The following SUMF1 variants were observed in gnomAD, a reference collection of about 807,000 sequenced individuals.
The protein encoded by SUMF1 is sulfatase modifying factor 1.
SUMF1 carries 48 observed loss-of-function variants against 47.6 expected under a neutral mutation model. That is an observed-to-expected ratio of 1.01 (90% confidence interval 0.80 to 1.28). The LOEUF is 1.28. Ranked by LOEUF, SUMF1 falls within the 50% of genes most tolerant of loss-of-function variation. The pLI, the probability that SUMF1 is intolerant of heterozygous loss-of-function variation, is 0.00. For missense variants in SUMF1, 571 were observed against 485.4 expected, an observed-to-expected ratio of 1.18 and a Z score of -1.66; for synonymous variants, 230 against 192.1, an observed-to-expected ratio of 1.20 and a Z score of -1.63.
intron 5 of SUMF1, among the ~76,000 whole-genome samples, chr3:4,417,537 G>T (rs1479537372): frequency 1.3e-5 from 2 of 152,136 alleles, no homozygotes; most frequent in Non-Finnish European, 2.9e-5. Context: ...CCTCATTTTG[G>T]ACTTATATGG....
intron 2 of SUMF1, among the ~76,000 whole-genome samples, chr3:4,449,608 T>TG (rs1358249057): frequency 1.1e-4 from 16 of 152,326 alleles, no homozygotes; most frequent in African/African-American, 3.4e-4. Flanking sequence ...AACGTGACTG[T>TG]TCTTGAAGGA....
chr3:4,113,746 A>G (rs1693362714), intron 8 of SUMF1, among the ~76,000 whole-genome samples: 1 of 152,074 alleles, frequency 6.6e-6, no homozygotes, highest in Non-Finnish European at 1.5e-5. Flanking sequence ...TGGCACAATT[A>G]CGATGTACCA....
rs190513068 is a variant in SUMF1, at chr3:4,431,663, C to T, written c.520-11517G>A. Among the ~76,000 whole-genome samples, 183 of 152,292 alleles carry T rather than the reference C, an allele frequency of 1.2e-3. 1 individual carries two copies. The highest frequency in any genetic ancestry group is 4.3e-3 in the African/African-American group (177 of 41,550). ...GCAGAAAAGGCTGTAACATCATGGCCCTCTGCCCTTCACCGGCACAGAGCA... is the reference window on the plus strand; with the variant it reads ...GCAGAAAAGGCTGTAACATCATGGCTCTCTGCCCTTCACCGGCACAGAGCA... On this transcript the variant is annotated intron_variant, in intron 3 of 8. Transcript: ENST00000272902.
chr3:4,318,295 A>G (rs1226188551), intron 8 of SUMF1, among the ~76,000 whole-genome samples: 2 of 152,234 alleles, frequency 1.3e-5, no homozygotes, highest in Non-Finnish European at 2.9e-5. Context: ...TTGGTTTAAC[A>G]TACGAAAATC....
chr3:4,268,690 A>T (rs189485351), intron 8 of SUMF1, among the ~76,000 whole-genome samples: 3 of 152,066 alleles, frequency 2.0e-5, no homozygotes, highest in South Asian at 2.1e-4. Context: ...TTAAAAAAAA[A>T]ATCTATCCAG....
Position 4,452,862 on chromosome 3 carries a change from C to G in SUMF1, c.444+14G>C. On this transcript the variant is annotated intron_variant, in intron 2 of 8. Coordinates refer to ENST00000272902, the MANE Select transcript of SUMF1 (RefSeq NM_182760.4). ...AAAAGAACAAGTTCTCCCTCCTTTCCCCAATCCCATTACCTCTGTCAAATA... is the reference window on the plus strand; with the variant it reads ...AAAAGAACAAGTTCTCCCTCCTTTCGCCAATCCCATTACCTCTGTCAAATA... 6.2e-7 allele frequency: 1 copy of G among 1,614,082 alleles called. No homozygotes were observed. Among genetic ancestry groups the G allele is most frequent in the Admixed American group, 1.7e-5 (1 of 60,028 alleles).
intron 8 of SUMF1, among the ~76,000 whole-genome samples, chr3:4,102,017 G>A (rs1693044875): frequency 6.6e-6 from 1 of 152,132 alleles, no homozygotes; most frequent in East Asian, 1.9e-4. Flanking sequence ...AAAAGCATCA[G>A]ATCTCATGAG....
chr3:4,403,394 G>A (rs1480049166), intron 7 of SUMF1, among the ~76,000 whole-genome samples: 1 of 152,106 alleles, frequency 6.6e-6, no homozygotes, highest in African/African-American at 2.4e-5. Context: ...CTAGAATGCT[G>A]TGTATAATTC....
chr3:4,208,411 G>A (rs1486693614), intron 8 of SUMF1, among the ~76,000 whole-genome samples: 1 of 146,340 alleles, frequency 6.8e-6, no homozygotes, highest in Non-Finnish European at 1.5e-5. Flanking sequence ...TGCAGTTCCA[G>A]TTACCCAGTA....
intron 8 of SUMF1, among the ~76,000 whole-genome samples, chr3:4,165,317 G>A (rs1051773940): frequency 2.6e-5 from 4 of 152,120 alleles, no homozygotes; most frequent in Admixed American, 1.3e-4. Context: ...GAGAGAAGGG[G>A]ACATATACCC....
chr3:4,355,167 T>C lies in SUMF1; in HGVS notation c.1014+21163A>G, dbSNP rs73121656. 9.6e-3 allele frequency among the ~76,000 whole-genome samples: 1,454 copies of C among 152,108 alleles called. 24 individuals carry two copies. The highest frequency in any genetic ancestry group is 0.033 in the African/African-American group (1,359 of 41,486). On this transcript the variant is annotated intron_variant and NMD_transcript_variant, in intron 8 of 12. Transcript: ENST00000448413. ...GAGTTCAAGACCAGCCTAGGCAACATGGAAAAACTCCATCTCTACAAAATA... is the reference window on the plus strand; with the variant it reads ...GAGTTCAAGACCAGCCTAGGCAACACGGAAAAACTCCATCTCTACAAAATA...
chr3:4,119,039 A>G (rs1352434528), intron 8 of SUMF1, among the ~76,000 whole-genome samples: 1 of 151,918 alleles, frequency 6.6e-6, no homozygotes, highest in Non-Finnish European at 1.5e-5. Flanking sequence ...TTCATTATTT[A>G]CCTATTTTCC....
chr3:4,040,532 A>T (rs771904122), intron 9 of SUMF1, among the ~76,000 whole-genome samples: 10 of 152,348 alleles, frequency 6.6e-5, no homozygotes, highest in Middle Eastern at 6.8e-3. Flanking sequence ...AATAGCAACT[A>T]TATGAACAAA....
chr3:4,092,382 T>C (rs1039661533), intron 8 of SUMF1, among the ~76,000 whole-genome samples: 1 of 152,136 alleles, frequency 6.6e-6, no homozygotes, highest in Non-Finnish European at 1.5e-5. Context: ...CCCAGTTTCC[T>C]TTTCTGTTTT....
At chr3:4,387,300 A>G (rs1420164025) in intron 7 of SUMF1, among the ~76,000 whole-genome samples, 1 of 151,938 alleles carries the variant, frequency 6.6e-6, no homozygotes, top group Non-Finnish European at 1.5e-5. Context: ...CAAATTATCT[A>G]TTTCATATTG....
At chr3:4,130,672 C>A (rs943026363) in intron 8 of SUMF1, among the ~76,000 whole-genome samples, 1 of 152,050 alleles carries the variant, frequency 6.6e-6, no homozygotes, top group Non-Finnish European at 1.5e-5. Flanking sequence ...GATATCCCCT[C>A]TAGGATGAAG....
intron 8 of SUMF1, chr3:4,312,960 C>T (rs746868749): frequency 2.0e-5 from 32 of 1,613,794 alleles, no homozygotes; most frequent in East Asian, 4.5e-5. Context: ...TAACCTTTCC[C>T]GGATGCATTT....
intron 8 of SUMF1, among the ~76,000 whole-genome samples, chr3:4,191,173 G>C (rs969023341): frequency 1.3e-5 from 2 of 152,122 alleles, no homozygotes; most frequent in Admixed American, 6.6e-5. Context: ...CTCATCTTGA[G>C]GCTGCCTTTG....
chr3:4,366,184 A>C (rs923029368), intron 8 of SUMF1, among the ~76,000 whole-genome samples: 1 of 151,456 alleles, frequency 6.6e-6, no homozygotes, highest in Non-Finnish European at 1.5e-5. Context: ...TGAATCTGAT[A>C]ATTATGTGTC....
Sources: gnomAD v4.1 joint callset for allele counts (sites outside exome capture counted in the v4.1 genomes callset) on GRCh38, gnomAD v4.1.1 for gene constraint, MANE v1.5 for transcripts, NCBI Gene and HGNC (gene_info 2026-07-23, HGNC 2026-07-21) for gene names.